PYM1: variants seen among roughly 807,000 people sequenced by gnomAD.
PYM1 encodes the protein partner of Y14 and mago.
PYM1 carries 7 observed loss-of-function variants against 20.7 expected under a neutral mutation model. The ratio of observed to expected loss-of-function variants is 0.34; its 90% CI spans 0.19 to 0.64. The LOEUF is 0.64. Ranked by LOEUF, PYM1 falls within the 30% of genes least tolerant of loss-of-function variation. PYM1 has a pLI of 0.74. For missense variants in PYM1, 194 were observed against 250.0 expected (o/e 0.78, Z 1.51); for synonymous variants, 100 against 99.2 (o/e 1.01, Z -0.05).
At chr12:55,903,113 T>C (rs1023583709) in intron 2 of PYM1, among the ~76,000 whole-genome samples, 1 of 152,096 alleles carries the variant, frequency 6.6e-6, no homozygotes, top group Admixed American at 6.6e-5. Flanking sequence ...CCTCCCCAAC[T>C]TTCCTCTGCT....
intron 1 of PYM1, among the ~76,000 whole-genome samples, chr12:55,908,108 T>C (rs1255785462): frequency 6.6e-6 from 1 of 151,472 alleles, no homozygotes; most frequent in Non-Finnish European, 1.5e-5. Flanking sequence ...CCAGGCGTGG[T>C]GGCGGGCGCC....
At chr12:55,903,306 C>G in intron 2 of PYM1, 81 bp downstream of exon 2, 1 of 1,297,594 alleles carries the variant, frequency 7.7e-7, no homozygotes, top group Non-Finnish European at 1.1e-6. Context: ...AGAGTCCTCC[C>G]TGAACTTGTA....
intron 1 of PYM1, among the ~76,000 whole-genome samples, chr12:55,910,660 T>C (rs1282886558): frequency 6.6e-6 from 1 of 152,118 alleles, no homozygotes; most frequent in Non-Finnish European, 1.5e-5. Context: ...GCCAGGCTGG[T>C]CTCAAACTCC....
chr12:55,918,092 C>CTT (rs1370515001), intron 1 of PYM1, among the ~76,000 whole-genome samples: 15 of 143,392 alleles, frequency 1.0e-4, no homozygotes, highest in African/African-American at 2.6e-4. Flanking sequence ...TACACATTTT[C>CTT]TTTTTTTTTT....
At chr12:55,903,502 T>A (rs377047267) in intron 1 of PYM1, 22 bp from the exon 2 acceptor site, 8 of 1,608,058 alleles carry the variant, frequency 5.0e-6, no homozygotes, top group Non-Finnish European at 4.3e-6. Context: ...AAAATCAAGT[T>A]GAAAATTACT....
chr12:55,921,189 T>C (rs1048031941), intron 1 of PYM1, among the ~76,000 whole-genome samples: 23 of 152,220 alleles, frequency 1.5e-4, no homozygotes, highest in African/African-American at 3.9e-4. Flanking sequence ...TGGCCATATA[T>C]AGTAATTTCT....
At chr12:55,903,513 C>T (rs765529358) in intron 1 of PYM1, 33 bp from the exon 2 acceptor site, 2 of 1,592,976 alleles carry the variant, frequency 1.3e-6, no homozygotes, top group East Asian at 2.2e-5. Flanking sequence ...GAAAATTACT[C>T]TTATTTTCAA....
intron 2 of PYM1, 124 bp downstream of exon 2, chr12:55,903,263 G>T: frequency 1.3e-6 from 1 of 762,454 alleles, no homozygotes. Context: ...TTCTCAGATA[G>T]TTGCCCCTCC....
chr12:55,910,882 G>A (rs1436632508), intron 1 of PYM1, among the ~76,000 whole-genome samples: 1 of 152,176 alleles, frequency 6.6e-6, no homozygotes, highest in East Asian at 1.9e-4. Context: ...TTGACAATTG[G>A]TTGAGTTTGT....
intron 1 of PYM1, chr12:55,913,796 G>C (rs961054298): frequency 2.0e-5 from 3 of 152,472 alleles, no homozygotes; most frequent in African/African-American, 4.8e-5. Context: ...ATATACGGTA[G>C]GGCACATGGT....
At chr12:55,926,513 G>A (rs758204013) in intron 1 of PYM1, among the ~76,000 whole-genome samples, 9 of 152,158 alleles carry the variant, frequency 5.9e-5, no homozygotes, top group Non-Finnish European at 1.3e-4. Flanking sequence ...GCTCCATCAG[G>A]GAGAAAACTC....
chr12:55,905,962 AATAG>A (rs1175114446), intron 1 of PYM1, among the ~76,000 whole-genome samples: 1 of 124,882 alleles, frequency 8.0e-6, no homozygotes, highest in East Asian at 2.1e-4. Flanking sequence ...ATATATATCT[AATAG>A]ATATATATAT....
chr12:55,925,260 T>C (rs566897026), intron 1 of PYM1, among the ~76,000 whole-genome samples: 1 of 152,232 alleles, frequency 6.6e-6, no homozygotes, highest in East Asian at 1.9e-4. Flanking sequence ...CATAAGGTAC[T>C]GACAGATTCA....
chr12:55,901,632 G>A lies in PYM1; in HGVS notation c.*240C>T. On this transcript the variant is annotated 3_prime_UTR_variant, in exon 3 of 3. Transcript: ENST00000408946. ...CCAAATCAGCAGCAAAGGTACCTGGGGTAGTCACTGAGATTTTGAACACTG... is the reference window on the plus strand; with the variant it reads ...CCAAATCAGCAGCAAAGGTACCTGGAGTAGTCACTGAGATTTTGAACACTG... 1 of 502,354 alleles carries A rather than the reference G, an allele frequency of 2.0e-6. No homozygotes were observed. Among genetic ancestry groups the A allele is most frequent in the Non-Finnish European group, 3.5e-6 (1 of 288,956 alleles). The allele number at this position is 502,354 out of a possible 1,614,324, so 31.1% of individuals were successfully genotyped here.
chr12:55,925,504 A>G (rs1039356184), intron 1 of PYM1, among the ~76,000 whole-genome samples: 4 of 152,196 alleles, frequency 2.6e-5, no homozygotes, highest in African/African-American at 9.6e-5. Context: ...AGAATATTCC[A>G]ATGGTGCTGG....
chr12:55,917,596 C>T (rs1054627935), intron 1 of PYM1, among the ~76,000 whole-genome samples: 1 of 152,102 alleles, frequency 6.6e-6, no homozygotes, highest in African/African-American at 2.4e-5. Flanking sequence ...GAGCTAAACA[C>T]TGGGTACTCA....
chr12:55,927,124 C>T, intron 1 of PYM1: 2 of 1,551,014 alleles, frequency 1.3e-6, no homozygotes, highest in Non-Finnish European at 1.7e-6. Context: ...AAAACGCAAA[C>T]CACTTCCGGC....
At chr12:55,919,131 G>A (rs1883056565) in intron 1 of PYM1, among the ~76,000 whole-genome samples, 1 of 152,102 alleles carries the variant, frequency 6.6e-6, no homozygotes, top group African/African-American at 2.4e-5. Context: ...CAAAATTTGT[G>A]CACAGAAACA....
intron 1 of PYM1, among the ~76,000 whole-genome samples, chr12:55,917,393 C>T (rs1883025927): frequency 6.6e-6 from 1 of 151,946 alleles, no homozygotes; most frequent in South Asian, 2.1e-4. Context: ...GCACTCCAGC[C>T]TGGGCAACAA....
Sources: gnomAD v4.1 joint callset for allele counts (sites outside exome capture counted in the v4.1 genomes callset) on GRCh38, gnomAD v4.1.1 for gene constraint, MANE v1.5 for transcripts, NCBI Gene and HGNC (gene_info 2026-07-23, HGNC 2026-07-21) for gene names.